The following RAB38 variants were observed in gnomAD, a reference collection of about 807,000 sequenced individuals.
RAB38 encodes RAB38, member RAS oncogene family.
Under a neutral mutation model 18.4 loss-of-function variants are expected in RAB38, and 15 were observed. That is an observed-to-expected ratio of 0.82 (90% CI 0.55 to 1.26). The LOEUF (loss-of-function observed/expected upper bound fraction) is 1.26, where lower values mean the gene tolerates loss of function less well. Ranked by LOEUF, RAB38 falls within the 50% of genes most tolerant of loss-of-function variation. The pLI, the probability that RAB38 is intolerant of heterozygous loss-of-function variation, is 0.00. For synonymous variants in RAB38, 101 were observed against 104.4 expected (o/e 0.97, Z 0.20); for missense variants, 294 against 267.4 (o/e 1.10, Z -0.69).
the RAB38 span, among the ~76,000 whole-genome samples, chr11:87,902,385 G>A: frequency 6.6e-6 from 1 of 151,450 alleles, no homozygotes; most frequent in Non-Finnish European, 1.5e-5. Flanking sequence ...AATTGTTTTG[G>A]TGCCAAAGTA....
chr11:87,851,667 T>G, the RAB38 span, among the ~76,000 whole-genome samples: 1 of 152,094 alleles, frequency 6.6e-6, no homozygotes, highest in Non-Finnish European at 1.5e-5. Flanking sequence ...CTTACTGAAT[T>G]TTAAAAACTC....
chr11:88,103,618 T>G, the RAB38 span, among the ~76,000 whole-genome samples: 1 of 152,128 alleles, frequency 6.6e-6, no homozygotes, highest in Non-Finnish European at 1.5e-5. Flanking sequence ...TTTATTATAC[T>G]AAGCCATTGA....
intron 2 of RAB38, among the ~76,000 whole-genome samples, chr11:88,117,838 C>T (rs1025701068): frequency 6.6e-6 from 1 of 152,142 alleles, no homozygotes; most frequent in African/African-American, 2.4e-5. Flanking sequence ...ACATGAAATA[C>T]TTAGAACAGT....
chr11:87,960,871 C>T, the RAB38 span, among the ~76,000 whole-genome samples: 3 of 152,050 alleles, frequency 2.0e-5, no homozygotes, highest in Non-Finnish European at 4.4e-5. Context: ...CATAGTAATG[C>T]CTTACAGACA....
chr11:88,150,587 A>T (rs1454365103), intron 1 of RAB38, among the ~76,000 whole-genome samples: 2 of 152,216 alleles, frequency 1.3e-5, no homozygotes. Context: ...ACTAGCTACC[A>T]TTCATTCATG....
rs3080354 is a variant in RAB38 at position 88,162,469 on chromosome 11, T to TA, written c.203-12515_203-12514insT. Among the ~76,000 whole-genome samples the TA allele has an allele frequency of 2.9e-3, 436 of 151,968 alleles. 1 individual carries two copies. Among genetic ancestry groups the TA allele is most frequent in the African/African-American group, 9.5e-3 (394 of 41,480 alleles). On this transcript the variant is annotated intron_variant, in intron 1 of 2. Coordinates refer to ENST00000243662, the MANE Select transcript of RAB38 (RefSeq NM_022337.3). ...AATTCTTTACTCCTCTCCCAGTGGA[T>TA]TTGCAGGCTTATTAGTTATTTAAGA... is the stretch of plus-strand genomic sequence containing the variant.
chr11:88,028,277 G>GA, the RAB38 span, among the ~76,000 whole-genome samples: 24 of 152,146 alleles, frequency 1.6e-4, no homozygotes, highest in Non-Finnish European at 2.9e-4. Context: ...CAAAGATGGG[G>GA]AAAAAACAGA....
the RAB38 span, among the ~76,000 whole-genome samples, chr11:88,052,945 A>T: frequency 2.7e-3 from 121 of 44,942 alleles, no homozygotes; most frequent in Middle Eastern, 0.014. Flanking sequence ...TATATATATA[A>T]ATTATATATA....
At chr11:87,845,514 T>C in the RAB38 span, among the ~76,000 whole-genome samples, 2 of 151,808 alleles carry the variant, frequency 1.3e-5, no homozygotes, top group African/African-American at 4.8e-5. Context: ...ACAGGAGAGA[T>C]ATAAAAAATG....
At chr11:88,065,285 C>T in the RAB38 span, among the ~76,000 whole-genome samples, 1 of 152,194 alleles carries the variant, frequency 6.6e-6, no homozygotes, top group Admixed American at 6.5e-5. Context: ...ATTCTTTGAT[C>T]ATTCAGTACA....
the RAB38 span, among the ~76,000 whole-genome samples, chr11:87,866,950 G>C: frequency 6.6e-6 from 1 of 151,796 alleles, no homozygotes; most frequent in African/African-American, 2.4e-5. Context: ...GGTAGAGTTG[G>C]ATAAATGAGA....
chr11:87,964,458 G>A, the RAB38 span, among the ~76,000 whole-genome samples: 7 of 152,092 alleles, frequency 4.6e-5, no homozygotes, highest in Non-Finnish European at 1.0e-4. Context: ...TTCTGCCCCT[G>A]TTGACTGGCC....
the RAB38 span, among the ~76,000 whole-genome samples, chr11:87,889,656 C>CA: frequency 6.6e-6 from 1 of 151,818 alleles, no homozygotes; most frequent in African/African-American, 2.4e-5. Flanking sequence ...ACACAGAAGC[C>CA]AAGTTAGCTT....
the RAB38 span, among the ~76,000 whole-genome samples, chr11:87,929,114 CA>C: frequency 4.0e-5 from 6 of 151,236 alleles, no homozygotes; most frequent in Admixed American, 2.6e-4. Flanking sequence ...GACTCTGTCT[CA>C]AAAAAAACAA....
Position 88,126,002 on chromosome 11 carries a change from G to T in RAB38, c.484-11862C>A, listed in dbSNP as rs1012857792. On this transcript the variant is annotated intron_variant, in intron 2 of 2. Coordinates refer to ENST00000243662, the MANE Select transcript of RAB38 (RefSeq NM_022337.3). ...TTTCCCCATTTCTTGTTTTTGTCAG[G>T]TTTGTCAAAGACCAGATAGTTGTAG... Among the ~76,000 whole-genome samples the T allele has an allele frequency of 5.3e-5, 8 of 152,082 alleles. 1 individual carries two copies. Among genetic ancestry groups the T allele is most frequent in the East Asian group, 1.9e-4 (1 of 5,200 alleles).
At chr11:87,973,574 T>G in the RAB38 span, among the ~76,000 whole-genome samples, 1 of 147,438 alleles carries the variant, frequency 6.8e-6, no homozygotes, top group South Asian at 2.3e-4. Context: ...AATCAGTTAG[T>G]GAAGAGAGCT....
chr11:87,885,549 C>A, the RAB38 span, among the ~76,000 whole-genome samples: 1 of 152,022 alleles, frequency 6.6e-6, no homozygotes, highest in African/African-American at 2.4e-5. Context: ...ATGCCTGACA[C>A]TGGAACCCTG....
At chr11:88,064,309 T>C in the RAB38 span, among the ~76,000 whole-genome samples, 1 of 152,228 alleles carries the variant, frequency 6.6e-6, no homozygotes, top group Non-Finnish European at 1.5e-5. Flanking sequence ...AACAGGAAGA[T>C]AACATTTCCA....
At chr11:88,042,712 G>A in the RAB38 span, among the ~76,000 whole-genome samples, 1 of 152,168 alleles carries the variant, frequency 6.6e-6, no homozygotes, top group African/African-American at 2.4e-5. Flanking sequence ...TAGAGATCAA[G>A]CCAGAGGAGA....
Sources: gnomAD v4.1 joint callset for allele counts (sites outside exome capture counted in the v4.1 genomes callset) on GRCh38, gnomAD v4.1.1 for gene constraint, MANE v1.5 for transcripts, NCBI Gene and HGNC (gene_info 2026-07-23, HGNC 2026-07-21) for gene names.